The following KCNK10 variants were observed in gnomAD, a reference collection of about 807,000 sequenced individuals.
The protein encoded by KCNK10 is potassium two pore domain channel subfamily K member 10.
A neutral mutation model predicts 47.7 loss-of-function variants in KCNK10; 25 were observed. The ratio of observed to expected loss-of-function variants is 0.52; its 90% CI spans 0.38 to 0.73. The LOEUF (loss-of-function observed/expected upper bound fraction) is 0.73, where lower values mean the gene tolerates loss of function less well. Among genes scored for constraint, KCNK10 ranks in the 30% least tolerant of loss-of-function variants. The pLI, the probability that KCNK10 is intolerant of heterozygous loss-of-function variation, is 0.00. For synonymous variants in KCNK10, 303 were observed against 285.6 expected (o/e 1.06, Z -0.61); for missense variants, 563 against 714.5 (o/e 0.79, Z 2.42).
At chr14:88,220,790 C>A (rs1444670995) in intron 4 of KCNK10, among the ~76,000 whole-genome samples, 2 of 151,910 alleles carry the variant, frequency 1.3e-5, no homozygotes, top group East Asian at 1.9e-4. Flanking sequence ...ATCTACATGA[C>A]CTTGAGTATG....
At chr14:88,326,775 A>C (rs1888674674), upstream of KCNK10, 3 of 330,356 alleles carry the variant, frequency 9.1e-6, no homozygotes, top group Non-Finnish European at 1.7e-5. Flanking sequence ...GTGGCCCGGC[A>C]TGGGAAGGCT....
intron 1 of KCNK10, among the ~76,000 whole-genome samples, chr14:88,279,517 T>C (rs965066823): frequency 6.6e-6 from 1 of 152,090 alleles, no homozygotes; most frequent in Non-Finnish European, 1.5e-5. Flanking sequence ...CCAGTGAAAT[T>C]TGAATTGCAG....
chr14:88,294,266 C>A (rs929826026), intron 1 of KCNK10, among the ~76,000 whole-genome samples: 1 of 152,240 alleles, frequency 6.6e-6, no homozygotes, highest in Admixed American at 6.5e-5. Flanking sequence ...CATTGCAAGA[C>A]TTTTGTTTCA....
At position 88,182,368 on chromosome 14, in the gene KCNK10, T is replaced by C. The variant is rs188783399; in HGVS notation, c.*3167A>G. ...GGAAAGGGGGGGCTGTGCTGATGCATGTATAGAATGTGTAGCAGCTTTGAC... is the reference window on the plus strand; with the variant it reads ...GGAAAGGGGGGGCTGTGCTGATGCACGTATAGAATGTGTAGCAGCTTTGAC... On this transcript the variant is annotated 3_prime_UTR_variant, in exon 7 of 7. Transcript: ENST00000319231. 12 of 152,402 alleles carry C rather than the reference T, an allele frequency of 7.9e-5. No homozygotes were observed. The highest frequency in any genetic ancestry group is 5.9e-4 in the Admixed American group (9 of 15,304). The allele number at this position is 152,402 out of a possible 1,614,324, so 9.4% of individuals were successfully genotyped here.
At chr14:88,248,590 A>G (rs1886705742) in intron 2 of KCNK10, among the ~76,000 whole-genome samples, 1 of 152,036 alleles carries the variant, frequency 6.6e-6, no homozygotes, top group Non-Finnish European at 1.5e-5. Context: ...TTACACAGGT[A>G]TGGTGGTGCA....
In KCNK10 at chr14:88,227,521, C is replaced by A; in HGVS notation, c.535G>T (p.Ala179Ser). ...VITTIGYGNIAPSTEGGKIFC... is the reference protein window; with the variant it reads ...VITTIGYGNISPSTEGGKIFC... Reference sequence around the variant, plus strand: ...ATTTTGCCTCCTTCAGTGCTCGGAGCAATATTCCCATACCCTGGTGAGAAA... The same window carrying A: ...ATTTTGCCTCCTTCAGTGCTCGGAGAAATATTCCCATACCCTGGTGAGAAA... The change falls in exon 4 of 7, where the codon GCT becomes TCT. Residue 179 changes from alanine to serine, a missense_variant. Ala to Ser is a moderately conservative substitution (Grantham distance 99, BLOSUM62 1). Transcript: ENST00000319231. The A allele has an allele frequency of 6.2e-7, 1 of 1,607,556 alleles. No homozygotes were observed. The highest frequency in any genetic ancestry group is 1.3e-5 in the African/African-American group (1 of 74,680).
intron 1 of KCNK10, among the ~76,000 whole-genome samples, chr14:88,294,431 A>G (rs1032791135): frequency 2.6e-5 from 4 of 152,246 alleles, no homozygotes; most frequent in African/African-American, 9.6e-5. Flanking sequence ...ATGAAGAACT[A>G]TGCAGTCCTG....
rs373423788 is a variant in KCNK10, at chr14:88,215,078, A to C, written c.681+12297T>G. ...TAAGCATTCCAAACTCATATAATTA[A>C]GAAACAATAATGATCTCTTTGGCAG... is the stretch of plus-strand genomic sequence containing the variant. On this transcript the variant is annotated intron_variant, in intron 4 of 6. Coordinates refer to ENST00000319231, the MANE Select transcript of KCNK10 (RefSeq NM_138317.3). Among the ~76,000 whole-genome samples the C allele has an allele frequency of 8.5e-5, 13 of 152,318 alleles. 1 individual carries two copies. Among genetic ancestry groups the C allele is most frequent in the African/African-American group, 3.1e-4 (13 of 41,566 alleles).
intron 4 of KCNK10, among the ~76,000 whole-genome samples, chr14:88,217,537 A>AT (rs1422768763): frequency 2.0e-5 from 3 of 152,168 alleles, no homozygotes; most frequent in Non-Finnish European, 4.4e-5. Flanking sequence ...TGAAATAATA[A>AT]TTTTTATTTT....
upstream of KCNK10, chr14:88,326,603 C>T: frequency 4.7e-6 from 3 of 641,768 alleles, no homozygotes. Context: ...CGCAAAGTCT[C>T]CCTGCACTCG....
intron 4 of KCNK10, among the ~76,000 whole-genome samples, chr14:88,209,476 C>G (rs994669308): frequency 6.6e-6 from 1 of 152,262 alleles, no homozygotes; most frequent in Non-Finnish European, 1.5e-5. Context: ...ACGGCATCCC[C>G]TGGGGGAGCC....
intron 1 of KCNK10, among the ~76,000 whole-genome samples, chr14:88,303,962 C>G (rs1888157905): frequency 1.3e-5 from 2 of 152,092 alleles, no homozygotes; most frequent in African/African-American, 4.8e-5. Context: ...AATTTGAGTT[C>G]CTTGTGCCAC....
In KCNK10 at chr14:88,185,783, TC is replaced by T; in HGVS notation, c.1383del (p.Asn463ThrfsTer47). The T allele has an allele frequency of 6.2e-7, 1 of 1,614,188 alleles. No individual in the cohort carries two copies. Among genetic ancestry groups the T allele is most frequent in the Non-Finnish European group, 8.5e-7 (1 of 1,180,032 alleles). ...KFGSTSRLTK[R>X]KNKDLKKTLP... ...AAGGTCTTTTTGAGGTCCTTGTTTT[TC>T]CTCTTGGTGAGTCTGGAGGTGGACC... On this transcript the variant is annotated frameshift_variant, in exon 7 of 7. Transcript: ENST00000319231. LOFTEE classifies it high-confidence loss of function. The surrounding 1 kb of genome is among the most constrained non-coding windows in gnomAD (Gnocchi z 4.3).
intron 3 of KCNK10, among the ~76,000 whole-genome samples, chr14:88,230,312 G>A (rs17763646): frequency 0.062 from 9,512 of 152,228 alleles, 415 homozygotes; most frequent in Non-Finnish European, 0.1. Context: ...ACAGCATCAG[G>A]TGGTGACTTT....
chr14:88,186,281 G>A lies in KCNK10; in HGVS notation c.1012-126C>T, dbSNP rs1884559534. ...AGGTGACGGAGCACATGCCCAGGGG[G>A]AGGTGCAAATGCTACCTTCTGCCCT... On this transcript the variant is annotated intron_variant, in intron 6 of 6. Transcript: ENST00000319231. This position sits in a 1 kb window ranked among gnomAD's most constrained non-coding sequence, Gnocchi z 5.5. The A allele has an allele frequency of 8.6e-7, 1 of 1,163,810 alleles. No homozygotes were observed. 72.1% of individuals were successfully genotyped at this position (1,163,810 alleles called of 1,614,324 possible).
rs10140814 is a variant in KCNK10 at position 88,220,334 on chromosome 14, G to A, written c.681+7041C>T. On this transcript the variant is annotated intron_variant, in intron 4 of 6. Transcript: ENST00000319231. Reference sequence around the variant, plus strand: ...TGGGAGGCTGAGGCAGGAGAATGGCGTGAACCCGGGAGGCGGAGCTTGCAG... The same window carrying A: ...TGGGAGGCTGAGGCAGGAGAATGGCATGAACCCGGGAGGCGGAGCTTGCAG... Among the ~76,000 whole-genome samples, 909 of 142,020 alleles carry A rather than the reference G, an allele frequency of 6.4e-3. 13 individuals are homozygous for A. Among genetic ancestry groups the A allele is most frequent in the African/African-American group, 0.022 (867 of 38,758 alleles). The allele number at this position is 142,020 out of a possible 152,430, so 93.2% of individuals were successfully genotyped here.
At chr14:88,246,919 A>T (rs543804163) in intron 2 of KCNK10, among the ~76,000 whole-genome samples, 1 of 152,330 alleles carries the variant, frequency 6.6e-6, no homozygotes, top group South Asian at 2.1e-4. Context: ...ATTCAGGAGT[A>T]TTAGTAACAG....
At position 88,263,489 on chromosome 14, in the gene KCNK10, C is replaced by G. The variant is rs1204419207; in HGVS notation, c.115G>C (p.Ala39Pro). Reference sequence around the variant, plus strand: ...CGCGGAGTTGGAGTCGGAGCCGGAGCCGGGGGTTGCCCGTTAGTGGCGCTC... The same window carrying G: ...CGCGGAGTTGGAGTCGGAGCCGGAGGCGGGGGTTGCCCGTTAGTGGCGCTC... ...PKSATNGQPP[A>P]PAPTPTPRLS... The change falls in exon 2 of 7, where the codon GCT (alanine) becomes CCT (proline). Residue 39 changes from alanine (A) to proline (P), a missense_variant. Coordinates refer to ENST00000319231, the MANE Select transcript of KCNK10 (RefSeq NM_138317.3). The G allele has an allele frequency of 1.2e-6, 2 of 1,613,598 alleles. No homozygotes were observed. The highest frequency in any genetic ancestry group is 2.2e-5 in the East Asian group (1 of 44,900).
At chr14:88,312,350 T>C (rs76984850) in intron 1 of KCNK10, among the ~76,000 whole-genome samples, 1 of 151,952 alleles carries the variant, frequency 6.6e-6, no homozygotes, top group East Asian at 1.9e-4. Flanking sequence ...TGACAAGGAG[T>C]GCTAACGGTC....
Sources: gnomAD v4.1 joint callset for allele counts (sites outside exome capture counted in the v4.1 genomes callset) on GRCh38, gnomAD v4.1.1 for gene constraint, Gnocchi (gnomAD v3.1) non-coding constraint, MANE v1.5 for transcripts, NCBI Gene and HGNC (gene_info 2026-07-23, HGNC 2026-07-21) for gene names.